Variants in STAMBPL1 observed in about 807,000 individuals in gnomAD.
STAMBPL1 encodes STAM binding protein like 1.
In STAMBPL1, 44 loss-of-function variants were observed where a neutral mutation model predicts 52.9. The ratio of observed to expected loss-of-function variants is 0.83; its 90% CI spans 0.65 to 1.07. The LOEUF is 1.07. Among genes scored for constraint, STAMBPL1 ranks in the 50% least tolerant of loss-of-function variants. The pLI, the probability that STAMBPL1 is intolerant of heterozygous loss-of-function variation, is 0.00. For missense variants in STAMBPL1, 511 were observed against 520.8 expected (o/e 0.98, Z 0.18); for synonymous variants, 164 against 177.3 (o/e 0.92, Z 0.60).
rs540002560 is a variant in STAMBPL1 at position 88,923,273 on chromosome 10, A to T, written c.*49A>T. 1 of 1,535,916 alleles carries T rather than the reference A, an allele frequency of 6.5e-7. No individual in the cohort carries two copies. Among genetic ancestry groups the T allele is most frequent in the African/African-American group, 1.4e-5 (1 of 70,684 alleles). ...CAACATCAGACACCTACTCATGGACATGTGGTTGCCGGATTTTCTTAAGAT... is the reference window on the plus strand; with the variant it reads ...CAACATCAGACACCTACTCATGGACTTGTGGTTGCCGGATTTTCTTAAGAT... On this transcript the variant is annotated 3_prime_UTR_variant, in exon 11 of 11. Transcript: ENST00000371926.
At chr10:88,922,995 TTTG>T (rs773810176) in intron 10 of STAMBPL1, among the ~76,000 whole-genome samples, 170 bp from the exon 11 acceptor site, 2 of 152,150 alleles carry the variant, frequency 1.3e-5, no homozygotes, top group East Asian at 3.9e-4. Context: ...TGTAAATATT[TTTG>T]TTGTTGTTGA....
At chr10:88,921,425 G>A in intron 9 of STAMBPL1, 30 bp downstream of exon 9, 1 of 1,579,598 alleles carries the variant, frequency 6.3e-7, no homozygotes, top group Non-Finnish European at 8.7e-7. Context: ...GGAGACCAAA[G>A]AAGGCTTTGT....
Position 88,913,182 on chromosome 10 carries a change from C to T in STAMBPL1, c.502C>T (p.Arg168Cys), listed in dbSNP as rs1297419511. ...AGAAAGGAAGCGGATTGCTCAGATG[C>T]GCCAGCAGCAGCTAGAATCGGAGCA... is the stretch of plus-strand genomic sequence containing the variant. ...EAERKRIAQM[R>C]QQQLESEQFL... The change falls in exon 6 of 11, where the codon CGC (arginine) becomes TGC (cysteine). Residue 168 changes from arginine to cysteine, a missense_variant. Physicochemically the swap from Arg to Cys is radical, Grantham distance 180. Around this residue, in one of 3 missense-constraint regions of STAMBPL1, gnomAD observed 358 missense variants for 343.5 expected, o/e 1.04. Transcript: ENST00000371926. 2 of 1,613,628 alleles carry T rather than the reference C, an allele frequency of 1.2e-6. No homozygotes were observed. The highest frequency in any genetic ancestry group is 2.2e-5 in the East Asian group (1 of 44,886).
At chr10:88,912,188 C>G (rs1845242158) in intron 5 of STAMBPL1, among the ~76,000 whole-genome samples, 1 of 152,162 alleles carries the variant, frequency 6.6e-6, no homozygotes, top group African/African-American at 2.4e-5. Flanking sequence ...ATCTCAGGCC[C>G]CACCCCAGAC....
At chr10:88,887,048 T>C (rs557290116) in intron 1 of STAMBPL1, among the ~76,000 whole-genome samples, 13 of 152,312 alleles carry the variant, frequency 8.5e-5, no homozygotes, top group African/African-American at 3.1e-4. Context: ...CCAATCTGTT[T>C]TGTCCTTGAA....
At chr10:88,898,978 C>T (rs1013591351) in intron 1 of STAMBPL1, among the ~76,000 whole-genome samples, 2 of 152,182 alleles carry the variant, frequency 1.3e-5, no homozygotes, top group African/African-American at 4.8e-5. Flanking sequence ...ACATCGTTCC[C>T]AGGGCAGCAG....
intron 1 of STAMBPL1, among the ~76,000 whole-genome samples, chr10:88,891,435 A>G (rs1235622920): frequency 1.3e-5 from 2 of 152,182 alleles, no homozygotes; most frequent in Non-Finnish European, 2.9e-5. Flanking sequence ...CACCACAATA[A>G]TTGTCTCAGG....
intron 1 of STAMBPL1, among the ~76,000 whole-genome samples, chr10:88,889,145 A>G (rs372218631): frequency 2.6e-5 from 4 of 152,360 alleles, no homozygotes; most frequent in South Asian, 4.1e-4. Context: ...TTCATATGCT[A>G]TAGAGATTCT....
chr10:88,914,697 T>TATATAAAAA, intron 7 of STAMBPL1, 39 bp downstream of exon 7: 1 of 934,868 alleles, frequency 1.1e-6, no homozygotes, highest in Non-Finnish European at 1.4e-6. Context: ...TATATATATC[T>TATATAAAAA]GCATAGGATA....
chr10:88,880,895 A>T (rs1432820179), intron 1 of STAMBPL1, among the ~76,000 whole-genome samples: 5 of 152,130 alleles, frequency 3.3e-5, no homozygotes, highest in Non-Finnish European at 7.4e-5. Context: ...TTTCACCTTG[A>T]TAGGGAGGCA....
intron 1 of STAMBPL1, among the ~76,000 whole-genome samples, chr10:88,889,841 G>A (rs1438982995): frequency 6.6e-6 from 1 of 152,016 alleles, no homozygotes; most frequent in Non-Finnish European, 1.5e-5. Flanking sequence ...ATCCTTTCTG[G>A]GATCATACAT....
intron 3 of STAMBPL1, among the ~76,000 whole-genome samples, chr10:88,906,992 T>G (rs558748844): frequency 6.6e-6 from 1 of 152,294 alleles, no homozygotes; most frequent in South Asian, 2.1e-4. Flanking sequence ...TAACTGAAAT[T>G]TTGTATCCTT....
chr10:88,890,000 A>C (rs1046237613), intron 1 of STAMBPL1, among the ~76,000 whole-genome samples: 2 of 152,108 alleles, frequency 1.3e-5, no homozygotes, highest in Non-Finnish European at 2.9e-5. Context: ...ATGTTTCTTC[A>C]TGAGTATGTA....
intron 1 of STAMBPL1, chr10:88,882,158 A>G (rs1181583311): frequency 6.6e-6 from 1 of 152,236 alleles, no homozygotes; most frequent in Non-Finnish European, 1.5e-5. Flanking sequence ...AATTTAAATT[A>G]TAAGGCAGAT....
chr10:88,902,644 C>T (rs886895919), intron 2 of STAMBPL1, among the ~76,000 whole-genome samples: 1 of 152,062 alleles, frequency 6.6e-6, no homozygotes, highest in Admixed American at 6.5e-5. Flanking sequence ...AATCTCGGCT[C>T]ACTGCAAGCC....
At chr10:88,904,430 G>C (rs1181293709) in intron 2 of STAMBPL1, among the ~76,000 whole-genome samples, 1 of 152,154 alleles carries the variant, frequency 6.6e-6, no homozygotes, top group Non-Finnish European at 1.5e-5. Flanking sequence ...AAACATGCTG[G>C]TCTAAAGCAG....
At position 88,923,116 on chromosome 10, in the gene STAMBPL1, A is replaced by G. The variant is rs557347212; in HGVS notation, c.1255-52A>G. Reference sequence around the variant, plus strand: ...TCCTCCCTAAAGAAAATCATATGGTAAACATTATGGTGAAATCAAACATAT... The same window carrying G: ...TCCTCCCTAAAGAAAATCATATGGTGAACATTATGGTGAAATCAAACATAT... On this transcript the variant is annotated intron_variant, in intron 10 of 10. Transcript: ENST00000371926. 1.7e-5 allele frequency: 22 copies of G among 1,302,884 alleles called. 1 individual carries two copies. In the South Asian group the frequency reaches 2.7e-4, roughly 16 times the overall value. The allele number at this position is 1,302,884 out of a possible 1,614,324, so 80.7% of individuals were successfully genotyped here.
intron 1 of STAMBPL1, among the ~76,000 whole-genome samples, chr10:88,896,174 T>G (rs1441212886): frequency 1.3e-5 from 2 of 152,244 alleles, no homozygotes; most frequent in African/African-American, 4.8e-5. Flanking sequence ...TTAGTAAAGA[T>G]AATTTATCAT....
intron 1 of STAMBPL1, among the ~76,000 whole-genome samples, chr10:88,885,388 A>G (rs1844506454): frequency 1.3e-5 from 2 of 152,174 alleles, no homozygotes; most frequent in South Asian, 4.1e-4. Flanking sequence ...TAATGTTTTT[A>G]TTAAGTTCTT....
Sources: gnomAD v4.1 joint callset for allele counts (sites outside exome capture counted in the v4.1 genomes callset) on GRCh38, gnomAD v4.1.1 for gene constraint, gnomAD v4.1.1 regional missense constraint, MANE v1.5 for transcripts, NCBI Gene and HGNC (gene_info 2026-07-23, HGNC 2026-07-21) for gene names.